ZNRF3: variants seen among roughly 807,000 people sequenced by gnomAD.
ZNRF3 encodes the protein zinc and ring finger 3.
Under a neutral mutation model 72.5 loss-of-function variants are expected in ZNRF3, and 23 were observed. The ratio of observed to expected loss-of-function variants is 0.32; its 90% CI spans 0.23 to 0.45. The LOEUF (loss-of-function observed/expected upper bound fraction) is 0.45, where lower values mean the gene tolerates loss of function less well. Among genes scored for constraint, ZNRF3 ranks in the 20% least tolerant of loss-of-function variants. The probability of loss-of-function intolerance (pLI) is 1.00; values close to 1 mark genes in which losing one functional copy is unlikely to be tolerated. For synonymous variants in ZNRF3, 610 were observed against 545.3 expected (o/e 1.12, Z -1.65); for missense variants, 1,169 against 1,272.1 (o/e 0.92, Z 1.23).
At chr22:29,027,773 C>A (rs2036668429) in intron 2 of ZNRF3, among the ~76,000 whole-genome samples, 1 of 152,188 alleles carries the variant, frequency 6.6e-6, no homozygotes, top group Non-Finnish European at 1.5e-5. Context: ...ACAGAAAATT[C>A]ATCACATGCT....
At chr22:28,893,042 C>T (rs2033920218) in intron 1 of ZNRF3, among the ~76,000 whole-genome samples, 1 of 152,078 alleles carries the variant, frequency 6.6e-6, no homozygotes, top group African/African-American at 2.4e-5. Flanking sequence ...TGGCGGGCGC[C>T]TGTAGTCCCA....
At chr22:28,980,934 G>A (rs140987545) in intron 1 of ZNRF3, among the ~76,000 whole-genome samples, 3 of 152,070 alleles carry the variant, frequency 2.0e-5, no homozygotes, top group Non-Finnish European at 2.9e-5. Flanking sequence ...AAATAATAAG[G>A]CAAAAACATA....
intron 2 of ZNRF3, among the ~76,000 whole-genome samples, chr22:28,997,190 C>T (rs1308828390): frequency 6.6e-6 from 1 of 152,144 alleles, no homozygotes; most frequent in Non-Finnish European, 1.5e-5. Context: ...GTCAGTGAAA[C>T]AAGTAGGTAT....
At chr22:28,911,709 T>C (rs1229733653) in intron 1 of ZNRF3, among the ~76,000 whole-genome samples, 1 of 152,056 alleles carries the variant, frequency 6.6e-6, no homozygotes, top group African/African-American at 2.4e-5. Context: ...TTATATATCA[T>C]GAGTATGTAG....
At chr22:28,971,210 A>T (rs1235664520) in intron 1 of ZNRF3, among the ~76,000 whole-genome samples, 1 of 151,396 alleles carries the variant, frequency 6.6e-6, no homozygotes, top group Non-Finnish European at 1.5e-5. Context: ...TTTTTTTTTT[A>T]ATTACTGAAT....
intron 2 of ZNRF3, among the ~76,000 whole-genome samples, chr22:29,002,659 C>T (rs1219194752): frequency 6.6e-6 from 1 of 152,216 alleles, no homozygotes; most frequent in East Asian, 1.9e-4. Flanking sequence ...CCCTTATTCT[C>T]AGAAGGGGAT....
chr22:28,969,932 A>G (rs1310795839), intron 1 of ZNRF3, among the ~76,000 whole-genome samples: 1 of 152,104 alleles, frequency 6.6e-6, no homozygotes, highest in Admixed American at 6.6e-5. Context: ...AGTCGGCAGA[A>G]TTTGCTGAAG....
chr22:28,937,169 CTTATAATATATATATATAT>C (rs1027207333), intron 1 of ZNRF3, among the ~76,000 whole-genome samples: 5 of 128,604 alleles, frequency 3.9e-5, no homozygotes, highest in African/African-American at 1.4e-4. Context: ...CTACTTCTCT[CTTATAATATATATATATAT>C]ATATATATAT....
chr22:29,042,465 G>A (rs767532633), intron 2 of ZNRF3, 30 bp from the exon 3 acceptor site: 41 of 1,610,036 alleles, frequency 2.5e-5, no homozygotes, highest in South Asian at 1.7e-4. Context: ...GGACCAGAGG[G>A]CCAACCTGCT....
chr22:28,892,401 C>A (rs1314926999), intron 1 of ZNRF3, among the ~76,000 whole-genome samples: 1 of 152,184 alleles, frequency 6.6e-6, no homozygotes, highest in African/African-American at 2.4e-5. Flanking sequence ...GGCCCTGGTG[C>A]TAAGTTTAGA....
At chr22:29,014,907 A>C (rs571917824) in intron 2 of ZNRF3, among the ~76,000 whole-genome samples, 2 of 152,340 alleles carry the variant, frequency 1.3e-5, no homozygotes, top group Admixed American at 6.5e-5. Context: ...TCCTGAAAGA[A>C]GAGAGGGAAA....
intron 1 of ZNRF3, among the ~76,000 whole-genome samples, chr22:28,919,175 A>G (rs777790323): frequency 1.3e-4 from 20 of 152,238 alleles, no homozygotes; most frequent in Admixed American, 2.6e-4. Flanking sequence ...AGAGGGGACC[A>G]CACAAGTTAT....
intron 2 of ZNRF3, among the ~76,000 whole-genome samples, chr22:29,029,145 A>G (rs1410481009): frequency 1.3e-5 from 2 of 152,168 alleles, no homozygotes; most frequent in African/African-American, 4.8e-5. Context: ...CTGTCTCCAC[A>G]CTGACATGCT....
intron 1 of ZNRF3, among the ~76,000 whole-genome samples, chr22:28,896,383 T>C (rs1295699972): frequency 6.6e-6 from 1 of 152,166 alleles, no homozygotes; most frequent in African/African-American, 2.4e-5. Context: ...TCCGCCCGCC[T>C]CGGCCTCCCA....
intron 2 of ZNRF3, among the ~76,000 whole-genome samples, chr22:29,040,812 T>C (rs1423135550): frequency 6.6e-6 from 1 of 152,224 alleles, no homozygotes; most frequent in Non-Finnish European, 1.5e-5. Context: ...TGGTACTGTT[T>C]GGTGCTAAAT....
chr22:28,911,693 T>G (rs2034321306), intron 1 of ZNRF3, among the ~76,000 whole-genome samples: 1 of 2,696 alleles, frequency 3.7e-4, no homozygotes, highest in South Asian at 0.042. Context: ...TTCTGAGAGT[T>G]TTTTTTTATA....
intron 1 of ZNRF3, among the ~76,000 whole-genome samples, chr22:28,960,565 G>C (rs1010996483): frequency 2.0e-5 from 3 of 152,150 alleles, no homozygotes; most frequent in Non-Finnish European, 4.4e-5. Flanking sequence ...TGAACTCAAG[G>C]TTCTCAAATC....
chr22:28,966,192 C>T (rs946288071), intron 1 of ZNRF3, among the ~76,000 whole-genome samples: 1 of 152,022 alleles, frequency 6.6e-6, no homozygotes, highest in Non-Finnish European at 1.5e-5. Flanking sequence ...CCTTGTCTAA[C>T]GAAAGGGGAA....
chr22:29,035,031 A>C, intron 2 of ZNRF3, among the ~76,000 whole-genome samples: 1 of 135,064 alleles, frequency 7.4e-6, no homozygotes, highest in Non-Finnish European at 1.5e-5. Flanking sequence ...TAATAGACAC[A>C]CGGAGTCTTG....
Sources: gnomAD v4.1 joint callset for allele counts (sites outside exome capture counted in the v4.1 genomes callset) on GRCh38, gnomAD v4.1.1 for gene constraint, MANE v1.5 for transcripts, NCBI Gene and HGNC (gene_info 2026-07-23, HGNC 2026-07-21) for gene names.